Variants in BCS1L observed in about 807,000 individuals in gnomAD.
BCS1L encodes BCS1 ubiquinol-cytochrome c reductase complex chaperone, also known as mitochondrial chaperone BCS1.
Under a neutral mutation model 49.3 loss-of-function variants are expected in BCS1L, and 38 were observed. The observed-to-expected ratio is 0.77, with a 90% CI of 0.59 to 1.01. The LOEUF is 1.01. BCS1L is among the 50% of genes least tolerant of loss of function. The pLI is 0.00. For synonymous variants in BCS1L, 193 were observed against 210.1 expected (o/e 0.92, Z 0.70); for missense variants, 394 against 540.2 (o/e 0.73, Z 2.68).
rs1448794649 is a variant in BCS1L at position 218,661,161 on chromosome 2, G to A, written c.174G>A (p.Arg58=). The change falls in exon 2 of 8, where the codon AGG becomes AGA. Residue 58 remains arginine, a synonymous_variant. Coordinates refer to ENST00000359273, the MANE Select transcript of BCS1L (RefSeq NM_001079866.2). The surrounding 1 kb of genome is among the most constrained non-coding windows in gnomAD (Gnocchi z 5.9). The stretch of plus-strand genomic sequence containing the variant: ...CACTGGAAGTCCCTGCTCGAGACAG[G>A]AGCTATGCCTGGTTGCTTAGCTGGC... ...MITLEVPARD[R]SYAWLLSWLT... is the part of the protein sequence containing the mutation. 6.2e-7 allele frequency: 1 copy of A among 1,614,180 alleles called. No individual in the cohort carries two copies. The highest frequency in any genetic ancestry group is 8.5e-7 in the Non-Finnish European group (1 of 1,180,032).
chr2:218,660,937 A>G lies in BCS1L; in HGVS notation c.-49-2A>G, dbSNP rs371013611. On this transcript the variant is annotated splice_acceptor_variant, in intron 1 of 7. Transcript: ENST00000359273. LOFTEE classifies it low-confidence loss of function (5UTR_SPLICE). Reference sequence around the variant, plus strand: ...CCCATCTCCACTGTTCCCCACCCCTAGGTTTTCGTAACACCCCAGGGCCTG... The same window carrying G: ...CCCATCTCCACTGTTCCCCACCCCTGGGTTTTCGTAACACCCCAGGGCCTG... 1.0e-5 allele frequency: 16 copies of G among 1,593,810 alleles called. No homozygotes were observed. The highest frequency in any genetic ancestry group is 1.7e-5 in the Admixed American group (1 of 59,978).
chr2:218,662,261 G>A lies in BCS1L; in HGVS notation c.719+1G>A. 6.2e-7 allele frequency: 1 copy of A among 1,613,694 alleles called. No homozygotes were observed. The highest frequency in any genetic ancestry group is 8.5e-7 in the Non-Finnish European group (1 of 1,179,610). ...CTGGTTGCGGAAAGAGCAGTTTTATGTGAGTATTCAAAATTTCTCTCAACT... is the reference window on the plus strand; with the variant it reads ...CTGGTTGCGGAAAGAGCAGTTTTATATGAGTATTCAAAATTTCTCTCAACT... On this transcript the variant is annotated splice_donor_variant, in intron 5 of 7. Coordinates refer to ENST00000359273, the MANE Select transcript of BCS1L (RefSeq NM_001079866.2). LOFTEE classifies it high-confidence loss of function. The surrounding 1 kb of genome is among the most constrained non-coding windows in gnomAD (Gnocchi z 5.8).
Position 218,662,594 on chromosome 2 carries a change from C to G in BCS1L, c.804C>G (p.His268Gln). 1 of 1,614,192 alleles carries G rather than the reference C, an allele frequency of 6.2e-7. No homozygotes were observed. The highest frequency in any genetic ancestry group is 8.5e-7 in the Non-Finnish European group (1 of 1,180,036). The change falls in exon 6 of 8, where the codon CAC becomes CAG. Residue 268 changes from histidine to glutamine, a missense_variant. By Grantham distance (24) the His-to-Gln change is conservative. Coordinates refer to ENST00000359273, the MANE Select transcript of BCS1L (RefSeq NM_001079866.2). The surrounding 1 kb of genome is among the most constrained non-coding windows in gnomAD (Gnocchi z 5.8). ...GCCTCTCTGATGACCGACTCAACCA[C>G]CTGCTGAGCGTGGCCCCGCAGCAGA... is the stretch of plus-strand genomic sequence containing the variant. ...DSSLSDDRLN[H>Q]LLSVAPQQSL...
chr2:218,663,294 CA>C lies in BCS1L; in HGVS notation c.1169del (p.Gln390ArgfsTer19), dbSNP rs1292105007. On this transcript the variant is annotated frameshift_variant, in exon 8 of 8. Coordinates refer to ENST00000359273, the MANE Select transcript of BCS1L (RefSeq NM_001079866.2). LOFTEE classifies it high-confidence loss of function. The stretch of plus-strand genomic sequence containing the variant: ...AGAACATGTCCTTCGAGCTACAAAC[CA>C]GATCAGTCCTGCCCAGGTGCAGGGC... The part of the protein sequence containing the change: ...FAEHVLRATN[Q>X]ISPAQVQGYF... 1 of 1,614,098 alleles carries C rather than the reference CA, an allele frequency of 6.2e-7. No individual in the cohort carries two copies. The highest frequency in any genetic ancestry group is 8.5e-7 in the Non-Finnish European group (1 of 1,180,054).
chr2:218,661,505 G>A lies in BCS1L; in HGVS notation c.420G>A (p.Leu140=), dbSNP rs768958849. 5.0e-6 allele frequency: 8 copies of A among 1,614,188 alleles called. No homozygotes were observed. The East Asian group carries it at 1.8e-4, about 36-fold the overall frequency. ...TPWESVTFTA[L]GTDRKVFFNI... is the part of the protein sequence containing the mutation. Reference sequence around the variant, plus strand: ...GGGAATCTGTCACCTTCACGGCCCTGGGCACTGACCGAAAGGTTTTCTTCA... The same window carrying A: ...GGGAATCTGTCACCTTCACGGCCCTAGGCACTGACCGAAAGGTTTTCTTCA... Residue 140 remains leucine, a synonymous_variant, in exon 3 of 8, where the codon CTG becomes CTA. Transcript: ENST00000359273. This position sits in a 1 kb window ranked among gnomAD's most constrained non-coding sequence, Gnocchi z 5.9.
rs1246412032 is a variant in BCS1L, at chr2:218,662,276, T to C, written c.719+16T>C. 3 of 1,612,078 alleles carry C rather than the reference T, an allele frequency of 1.9e-6. No individual in the cohort carries two copies. The highest frequency in any genetic ancestry group is 1.7e-4 in the Middle Eastern group (1 of 6,060). On this transcript the variant is annotated intron_variant, in intron 5 of 7. Coordinates refer to ENST00000359273, the MANE Select transcript of BCS1L (RefSeq NM_001079866.2). The surrounding 1 kb of genome is among the most constrained non-coding windows in gnomAD (Gnocchi z 5.8). ...GCAGTTTTATGTGAGTATTCAAAAT[T>C]TCTCTCAACTTGGCAAAACGAAGCC...
rs1939484411 is a variant in BCS1L at position 218,661,807 on chromosome 2, C to T, written c.509C>T (p.Thr170Ile). ...QQEEGKTVMY[T>I]AVGSEWRPFG... is the part of the protein sequence containing the mutation. ...GAGGAAGGGAAGACCGTGATGTACA[C>T]AGCTGTGGGCTCTGAATGGCGTCCC... The change falls in exon 4 of 8, where the codon ACA becomes ATA. Residue 170 changes from threonine to isoleucine, a missense_variant. Physicochemically the swap from Thr to Ile is moderately conservative, Grantham distance 89. Transcript: ENST00000359273. The surrounding 1 kb of genome is among the most constrained non-coding windows in gnomAD (Gnocchi z 5.9). 6.2e-7 allele frequency: 1 copy of T among 1,613,950 alleles called. No homozygotes were observed. The highest frequency in any genetic ancestry group is 1.7e-5 in the Admixed American group (1 of 60,006).
Position 218,662,560 on chromosome 2 carries a change from CG to C in BCS1L, c.772del (p.Asp258ThrfsTer13), listed in dbSNP as rs1363475546. ...LEHSICLLSL[T>X]DSSLSDDRLN... ...CACAGCATCTGCCTGCTGAGCCTCACGGACTCCAGCCTCTCTGATGACCGAC... is the reference window on the plus strand; with the variant it reads ...CACAGCATCTGCCTGCTGAGCCTCACGACTCCAGCCTCTCTGATGACCGAC... On this transcript the variant is annotated frameshift_variant, in exon 6 of 8. Coordinates refer to ENST00000359273, the MANE Select transcript of BCS1L (RefSeq NM_001079866.2). LOFTEE classifies it high-confidence loss of function. This position sits in a 1 kb window ranked among gnomAD's most constrained non-coding sequence, Gnocchi z 5.8. The C allele has an allele frequency of 3.7e-6, 6 of 1,614,160 alleles. No individual in the cohort carries two copies. Among genetic ancestry groups the C allele is most frequent in the Non-Finnish European group, 4.2e-6 (5 of 1,180,046 alleles).
chr2:218,662,768 G>C lies in BCS1L; in HGVS notation c.889+89G>C, dbSNP rs1040191469. The stretch of plus-strand genomic sequence containing the variant: ...TCCAGAGGGCTGGTGGAAGATGCCT[G>C]GGTTAGTGACAAGAGCCCACAAGAC... On this transcript the variant is annotated intron_variant, in intron 6 of 7. Coordinates refer to ENST00000359273, the MANE Select transcript of BCS1L (RefSeq NM_001079866.2). This position sits in a 1 kb window ranked among gnomAD's most constrained non-coding sequence, Gnocchi z 5.8. 4.4e-6 allele frequency: 7 copies of C among 1,604,424 alleles called. No individual in the cohort carries two copies. Among genetic ancestry groups the C allele is most frequent in the Non-Finnish European group, 6.0e-6 (7 of 1,171,986 alleles).
In BCS1L at chr2:218,662,780, A is replaced by G. The variant is rs114720751; in HGVS notation, c.889+101A>G. ...GTGGAAGATGCCTGGGTTAGTGACAAGAGCCCACAAGACACATGGATAAGT... is the reference window on the plus strand; with the variant it reads ...GTGGAAGATGCCTGGGTTAGTGACAGGAGCCCACAAGACACATGGATAAGT... On this transcript the variant is annotated intron_variant, in intron 6 of 7. Coordinates refer to ENST00000359273, the MANE Select transcript of BCS1L (RefSeq NM_001079866.2). The surrounding 1 kb of genome is among the most constrained non-coding windows in gnomAD (Gnocchi z 5.8). 2,758 of 1,593,698 alleles carry G rather than the reference A, an allele frequency of 1.7e-3. 7 individuals are homozygous for G. The highest frequency in any genetic ancestry group is 4.8e-3 in the Admixed American group (289 of 60,006).
chr2:218,663,425 A>G lies in BCS1L; in HGVS notation c.*39A>G. ...AGCTCAGCTCTCCTCCTCTAGCTCA[A>G]TAAACATCTGCCACACTACTCTGCT... On this transcript the variant is annotated 3_prime_UTR_variant, in exon 8 of 8. Transcript: ENST00000359273. The G allele has an allele frequency of 8.1e-6, 13 of 1,612,546 alleles. No homozygotes were observed. Among genetic ancestry groups the G allele is most frequent in the Non-Finnish European group, 9.3e-6 (11 of 1,179,694 alleles).
Position 218,663,183 on chromosome 2 carries a change from G to T in BCS1L, c.1057G>T (p.Val353Leu). The T allele has an allele frequency of 1.2e-6, 2 of 1,614,214 alleles. No homozygotes were observed. The highest frequency in any genetic ancestry group is 1.3e-5 in the African/African-American group (1 of 75,050). Reference protein sequence around the residue: ...RPGRVDLKEYVGYCSHWQLTQ... With the variant: ...RPGRVDLKEYLGYCSHWQLTQ... ...GGGGCGAGTGGACCTGAAGGAGTACGTGGGCTACTGCTCACACTGGCAGCT... is the reference window on the plus strand; with the variant it reads ...GGGGCGAGTGGACCTGAAGGAGTACTTGGGCTACTGCTCACACTGGCAGCT... The change falls in exon 8 of 8, where the codon GTG (valine) becomes TTG (leucine). Residue 353 changes from valine (V) to leucine (L), a missense_variant. Coordinates refer to ENST00000359273, the MANE Select transcript of BCS1L (RefSeq NM_001079866.2).
rs373671954 is a variant in BCS1L at position 218,663,129 on chromosome 2, C to T, written c.1008-5C>T. 1 of 1,614,214 alleles carries T rather than the reference C, an allele frequency of 6.2e-7. No homozygotes were observed. The highest frequency in any genetic ancestry group is 1.1e-5 in the South Asian group (1 of 91,070). Reference sequence around the variant, plus strand: ...GTGTGACCTGCTTTCCCTGTCTTCTCTCAGGCTGGACCCTGCCCTGATACG... The same window carrying T: ...GTGTGACCTGCTTTCCCTGTCTTCTTTCAGGCTGGACCCTGCCCTGATACG... On this transcript the variant is annotated splice_polypyrimidine_tract_variant and splice_region_variant and intron_variant, in intron 7 of 7. Transcript: ENST00000359273.
chr2:218,660,645 G>T, intron 1 of BCS1L: 1 of 280,894 alleles, frequency 3.6e-6, no homozygotes, highest in Non-Finnish European at 6.8e-6. Context: ...CTGGTCCCAG[G>T]GACCACAAAA....
chr2:218,662,057 CAG>C lies in BCS1L; in HGVS notation c.655+108_655+109del. On this transcript the variant is annotated intron_variant, in intron 4 of 7. Coordinates refer to ENST00000359273, the MANE Select transcript of BCS1L (RefSeq NM_001079866.2). The surrounding 1 kb of genome is among the most constrained non-coding windows in gnomAD (Gnocchi z 5.8). Reference sequence around the variant, plus strand: ...TGATATAAAGCTCTAGTCCAATTCCCAGAGATTAAGAGGAATGAAAAGTTGTG... The same window carrying C: ...TGATATAAAGCTCTAGTCCAATTCCCAGATTAAGAGGAATGAAAAGTTGTG... 6.7e-7 allele frequency: 1 copy of C among 1,491,740 alleles called. No individual in the cohort carries two copies. The highest frequency in any genetic ancestry group is 1.1e-5 in the South Asian group (1 of 87,850). 92.4% of individuals were successfully genotyped at this position (1,491,740 alleles called of 1,614,324 possible). A position where few individuals can be genotyped will look rare whatever the true frequency, so the allele number is the denominator to read the frequency against.
chr2:218,663,044 C>G (rs780931624), intron 7 of BCS1L, 44 bp downstream of exon 7: 43 of 1,613,616 alleles, frequency 2.7e-5, no homozygotes, highest in Non-Finnish European at 3.6e-5. Flanking sequence ...AAGAGCCCAC[C>G]TCCTCCCCTA....
chr2:218,660,269 G>A (rs1331612423), intron 1 of BCS1L: 1 of 152,260 alleles, frequency 6.6e-6, no homozygotes, highest in Non-Finnish European at 1.5e-5. Flanking sequence ...GTATTGTAGA[G>A]AGCCTTGAGT....
upstream of BCS1L, chr2:218,659,485 T>G (rs918318860): frequency 2.0e-5 from 3 of 152,102 alleles, no homozygotes; most frequent in African/African-American, 7.2e-5. The surrounding 1 kb of genome is among the most constrained non-coding windows in gnomAD (Gnocchi z 4.4). Context: ...ATATTGGGGA[T>G]GTGGAAGCCA....
Position 218,662,251 on chromosome 2 carries a change from G to C in BCS1L, c.710G>C (p.Ser237Thr). Residue 237 changes from serine to threonine, a missense_variant, in exon 5 of 8, where the codon AGC (serine) becomes ACC (threonine). Ser to Thr is a moderately conservative substitution (Grantham distance 58). Transcript: ENST00000359273. This position sits in a 1 kb window ranked among gnomAD's most constrained non-coding sequence, Gnocchi z 5.8. ...TATGGGCCCCCTGGTTGCGGAAAGAGCAGTTTTATGTGAGTATTCAAAATT... is the reference window on the plus strand; with the variant it reads ...TATGGGCCCCCTGGTTGCGGAAAGACCAGTTTTATGTGAGTATTCAAAATT... ...LLYGPPGCGK[S>T]SFITALAGEL... 6.2e-7 allele frequency: 1 copy of C among 1,613,972 alleles called. No homozygotes were observed. The highest frequency in any genetic ancestry group is 1.3e-5 in the African/African-American group (1 of 75,024).
Sources: allele counts gnomAD v4.1 joint callset, GRCh38; gene constraint gnomAD v4.1.1; non-coding constraint Gnocchi (gnomAD v3.1); transcripts MANE v1.5; gene names NCBI Gene and HGNC (gene_info 2026-07-23, HGNC 2026-07-21).